ABR: variants seen among roughly 807,000 people sequenced by gnomAD.
ABR encodes active breakpoint cluster region-related protein.
ABR carries 35 observed loss-of-function variants against 107.2 expected under a neutral mutation model. The observed-to-expected ratio is 0.33, with a 90% CI of 0.25 to 0.43. The LOEUF (loss-of-function observed/expected upper bound fraction) is 0.43, where lower values mean the gene tolerates loss of function less well. Ranked by LOEUF, ABR falls within the 20% of genes least tolerant of loss-of-function variation. The pLI, the probability that ABR is intolerant of heterozygous loss-of-function variation, is 1.00. For missense variants in ABR, 815 were observed against 1,115.2 expected (o/e 0.73, Z 3.83); for synonymous variants, 498 against 462.0 (o/e 1.08, Z -1.00).
intron 1 of ABR, among the ~76,000 whole-genome samples, chr17:1,134,035 T>C (rs1054070778): frequency 1.3e-5 from 2 of 152,126 alleles, no homozygotes; most frequent in African/African-American, 4.8e-5. Flanking sequence ...ATCCCAGCAA[T>C]TTGGGAGGCC....
intron 18 of ABR, 142 bp from the exon 19 acceptor site, chr17:1,012,127 A>AG (rs2070632366): frequency 2.9e-6 from 4 of 1,377,408 alleles, no homozygotes; most frequent in Non-Finnish European, 4.0e-6. Context: ...CAGGGCAGAG[A>AG]AAGAGGCCAC....
At chr17:1,066,960 G>A in intron 10 of ABR, 117 bp downstream of exon 10, 2 of 1,090,500 alleles carry the variant, frequency 1.8e-6, no homozygotes, top group Non-Finnish European at 1.3e-6. Context: ...CTTTCCCTTA[G>A]TAACTACACA....
intron 6 of ABR, 146 bp from the exon 7 acceptor site, chr17:1,073,823 A>C (rs2035458749): frequency 6.3e-6 from 4 of 636,688 alleles, no homozygotes; most frequent in African/African-American, 3.8e-5. Context: ...GGCAGCCCCC[A>C]CCTCTGTTCT....
In ABR at chr17:1,173,057, T is replaced by C. The variant is rs374467656; in HGVS notation, c.61+6610A>G. Reference sequence around the variant, plus strand: ...CAGCCCACCCAACACATCACCTCAGTCCACCCAACACATCACCTCAGTCCA... The same window carrying C: ...CAGCCCACCCAACACATCACCTCAGCCCACCCAACACATCACCTCAGTCCA... On this transcript the variant is annotated intron_variant, in intron 1 of 22. Coordinates refer to ENST00000302538, the MANE Select transcript of ABR (RefSeq NM_021962.5). Among the ~76,000 whole-genome samples, 124 of 21,768 alleles carry C rather than the reference T, an allele frequency of 5.7e-3. 1 individual carries two copies. The highest frequency in any genetic ancestry group is 7.5e-3 in the Admixed American group (11 of 1,460). 14.3% of individuals were successfully genotyped at this position (21,768 alleles called of 152,430 possible). A position where few individuals can be genotyped will look rare whatever the true frequency, so the allele number is the denominator to read the frequency against.
rs2032580063 is a variant in ABR at position 1,051,919 on chromosome 17, C to G, written c.1562-1285G>C. Among the ~76,000 whole-genome samples the G allele has an allele frequency of 6.6e-6, 1 of 152,054 alleles. No homozygotes were observed. The highest frequency in any genetic ancestry group is 6.6e-5 in the Admixed American group (1 of 15,254). ...TGAAACCCCATCTCTACTAAAAATA[C>G]AAAAGTGAGCCCGGCGTGGTGGCAC... On this transcript the variant is annotated intron_variant, in intron 14 of 22. Transcript: ENST00000302538. This position sits in a 1 kb window ranked among gnomAD's most constrained non-coding sequence, Gnocchi z 4.3.
At chr17:1,134,883 T>C (rs1252835777) in intron 1 of ABR, among the ~76,000 whole-genome samples, 1 of 152,250 alleles carries the variant, frequency 6.6e-6, no homozygotes, top group Non-Finnish European at 1.5e-5. Flanking sequence ...ACTAAATGGA[T>C]ACGGGTTTAG....
Position 1,200,923 on chromosome 17 carries a change from G to A in ABR, c.838+27870C>T, listed in dbSNP as rs180961156. Among the ~76,000 whole-genome samples the A allele has an allele frequency of 3.6e-3, 545 of 152,322 alleles. 1 individual carries two copies. The highest frequency in any genetic ancestry group is 6.3e-3 in the Non-Finnish European group (432 of 68,032). On this transcript the variant is annotated intron_variant, in intron 1 of 22. Coordinates refer to the ABR transcript ENST00000574139. This position sits in a 1 kb window ranked among gnomAD's most constrained non-coding sequence, Gnocchi z 4.1. ...CAGGGCTACAGCTTAGAGACTGGGA[G>A]AAAGCCTTGGGGTTGGCCAGGGACA...
chr17:1,066,088 A>C (rs1024511173), intron 10 of ABR, among the ~76,000 whole-genome samples: 1 of 152,150 alleles, frequency 6.6e-6, no homozygotes, highest in Non-Finnish European at 1.5e-5. Context: ...CATGTTGGCC[A>C]GGCTGATCTT....
chr17:1,127,301 C>T (rs938523469), intron 1 of ABR, among the ~76,000 whole-genome samples: 14 of 152,198 alleles, frequency 9.2e-5, no homozygotes, highest in South Asian at 4.2e-4. Flanking sequence ...ATCACTGAGA[C>T]GCGTGTACGC....
intron 16 of ABR, among the ~76,000 whole-genome samples, chr17:1,047,380 G>A (rs2031787415): frequency 6.6e-6 from 1 of 152,252 alleles, no homozygotes; most frequent in South Asian, 2.1e-4. Context: ...ACAGCTCCGT[G>A]TGGACTCGTC....
chr17:1,016,825 C>T (rs1201047966), intron 16 of ABR, among the ~76,000 whole-genome samples: 1 of 152,088 alleles, frequency 6.6e-6, no homozygotes, highest in African/African-American at 2.4e-5. Context: ...CTGCCCACGT[C>T]GCCCTCAGAA....
At chr17:1,040,042 G>T (rs767403278) in intron 16 of ABR, among the ~76,000 whole-genome samples, 1 of 152,196 alleles carries the variant, frequency 6.6e-6, no homozygotes, top group African/African-American at 2.4e-5. Context: ...GCTGTGGTCA[G>T]TGTGGCCCAC....
At chr17:1,106,927 C>T (rs944490906) in intron 2 of ABR, among the ~76,000 whole-genome samples, 15 of 152,222 alleles carry the variant, frequency 9.9e-5, no homozygotes, top group Non-Finnish European at 2.2e-4. Context: ...CTCTTGTCAT[C>T]TCTACAGTGC....
intron 1 of ABR, among the ~76,000 whole-genome samples, chr17:1,142,585 C>CA (rs200832739): frequency 0.061 from 6,370 of 105,104 alleles, 189 homozygotes; most frequent in East Asian, 0.14. Context: ...AACTCCATCT[C>CA]AAAAAAAAAA....
intron 1 of ABR, among the ~76,000 whole-genome samples, chr17:1,160,127 G>C (rs1190950915): frequency 6.6e-6 from 1 of 152,082 alleles, no homozygotes; most frequent in Non-Finnish European, 1.5e-5. Context: ...CTGGGGTCTA[G>C]GGCCGCTGTA....
chr17:1,072,061 G>A (rs2035282034), intron 8 of ABR, among the ~76,000 whole-genome samples: 2 of 152,110 alleles, frequency 1.3e-5, no homozygotes, highest in African/African-American at 4.8e-5. Flanking sequence ...CCGCCACCAC[G>A]CCCAGCTAAT....
chr17:1,054,520 C>CA (rs1567662180), intron 14 of ABR, among the ~76,000 whole-genome samples: 5 of 88,542 alleles, frequency 5.6e-5, no homozygotes, highest in African/African-American at 2.3e-4. Flanking sequence ...CAAGGAACCT[C>CA]AGGGGATGGG....
At position 1,157,882 on chromosome 17, in the gene ABR, G is replaced by C. The variant is rs2041111356; in HGVS notation, c.61+21785C>G. Reference sequence around the variant, plus strand: ...AGCCTAGGAAGGGATCGTGCAGTTTGGTAGGTCACCTTCTAGAATGGATTG... The same window carrying C: ...AGCCTAGGAAGGGATCGTGCAGTTTCGTAGGTCACCTTCTAGAATGGATTG... On this transcript the variant is annotated intron_variant, in intron 1 of 22. Coordinates refer to ENST00000302538, the MANE Select transcript of ABR (RefSeq NM_021962.5). The surrounding 1 kb of genome is among the most constrained non-coding windows in gnomAD (Gnocchi z 4.7). Among the ~76,000 whole-genome samples, 1 of 152,200 alleles carries C rather than the reference G, an allele frequency of 6.6e-6. No individual in the cohort carries two copies. Among genetic ancestry groups the C allele is most frequent in the Non-Finnish European group, 1.5e-5 (1 of 68,034 alleles).
intron 6 of ABR, among the ~76,000 whole-genome samples, chr17:1,074,345 C>A (rs1234684576): frequency 6.6e-6 from 1 of 150,948 alleles, no homozygotes; most frequent in Non-Finnish European, 1.5e-5. Flanking sequence ...CATGCAGGAC[C>A]CCAGAATCAC....
Sources: allele counts gnomAD v4.1 joint callset (sites outside exome capture counted in the v4.1 genomes callset), GRCh38; gene constraint gnomAD v4.1.1; non-coding constraint Gnocchi (gnomAD v3.1); transcripts MANE v1.5; gene names NCBI Gene and HGNC (gene_info 2026-07-23, HGNC 2026-07-21).